Variants in TOMM20L observed in about 807,000 individuals in gnomAD.
TOMM20L encodes TOMM20-like protein 1.
A neutral mutation model predicts 20.4 loss-of-function variants in TOMM20L; 19 were observed. That is an observed-to-expected ratio of 0.93 (90% confidence interval 0.65 to 1.36). The LOEUF (loss-of-function observed/expected upper bound fraction) is 1.36. TOMM20L is among the 40% of genes most tolerant of loss of function. The pLI is 0.00. For synonymous variants in TOMM20L, 75 were observed against 79.6 expected (o/e 0.94, Z 0.30); for missense variants, 218 against 203.7 (o/e 1.07, Z -0.43).
At chr14:58,414,655 T>C in the TOMM20L span, among the ~76,000 whole-genome samples, 326 of 149,998 alleles carry the variant, frequency 2.2e-3, 1 homozygote, top group African/African-American at 7.5e-3. Context: ...GGAGAACTGC[T>C]TGACCCCTTG....
the TOMM20L span, among the ~76,000 whole-genome samples, chr14:58,415,064 A>G: frequency 1.3e-5 from 2 of 152,226 alleles, no homozygotes; most frequent in East Asian, 3.9e-4. Context: ...CTTCCCAGCC[A>G]GGGAGTTATC....
At chr14:58,400,464 C>T (rs1036872271) in intron 2 of TOMM20L, among the ~76,000 whole-genome samples, 1 of 150,292 alleles carries the variant, frequency 6.7e-6, no homozygotes, top group East Asian at 2.0e-4. Flanking sequence ...CTCAGCTTGG[C>T]GCTATGCCTT....
the TOMM20L span, among the ~76,000 whole-genome samples, chr14:58,415,697 C>G: frequency 6.6e-6 from 1 of 151,968 alleles, no homozygotes; most frequent in Non-Finnish European, 1.5e-5. Context: ...TAACAGAGTA[C>G]AAAGGACTTG....
downstream of TOMM20L, among the ~76,000 whole-genome samples, chr14:58,410,520 A>C (rs1267611879): frequency 6.6e-6 from 1 of 152,216 alleles, no homozygotes. Flanking sequence ...AGGGCCATAC[A>C]GAAAGGCTGT....
chr14:58,405,803 C>A (rs376774811), intron 3 of TOMM20L, among the ~76,000 whole-genome samples: 1 of 152,226 alleles, frequency 6.6e-6, no homozygotes, highest in East Asian at 1.9e-4. Context: ...CACACCCACC[C>A]CCCTAATAGT....
intron 2 of TOMM20L, among the ~76,000 whole-genome samples, chr14:58,401,139 G>A (rs1339695255): frequency 6.6e-6 from 1 of 152,188 alleles, no homozygotes; most frequent in East Asian, 1.9e-4. Context: ...GCTCCTTGGG[G>A]ATGGGCACAG....
chr14:58,414,008 GAAAAA>G, the TOMM20L span, among the ~76,000 whole-genome samples: 25 of 24,178 alleles, frequency 1.0e-3, no homozygotes, highest in East Asian at 0.032. Context: ...TTCCGTCTCA[GAAAAA>G]AAAAAAAAAA....
the TOMM20L span, among the ~76,000 whole-genome samples, chr14:58,416,620 C>T: frequency 6.6e-6 from 1 of 152,212 alleles, no homozygotes; most frequent in Non-Finnish European, 1.5e-5. Context: ...GTACAATACA[C>T]TTCTCTTGAG....
chr14:58,400,379 A>C (rs1475144006), intron 2 of TOMM20L, among the ~76,000 whole-genome samples: 1 of 147,950 alleles, frequency 6.8e-6, no homozygotes, highest in Non-Finnish European at 1.5e-5. Flanking sequence ...CCAAGATCAC[A>C]CCACTGCACT....
rs894022906 is a variant in TOMM20L, at chr14:58,408,675, T to C, written c.*93T>C. ...AGTGATATTTCCATTTATTTTACTT[T>C]GAGTAATAAAAATTTTTCTATCTCA... On this transcript the variant is annotated 3_prime_UTR_variant, in exon 5 of 5. Transcript: ENST00000360945. 7.6e-7 allele frequency: 1 copy of C among 1,315,974 alleles called. No homozygotes were observed. The highest frequency in any genetic ancestry group is 1.0e-6 in the Non-Finnish European group (1 of 958,376). The allele number at this position is 1,315,974 out of a possible 1,614,324, so 81.5% of individuals were successfully genotyped here.
intron 2 of TOMM20L, among the ~76,000 whole-genome samples, chr14:58,399,573 A>G (rs2035965290): frequency 6.6e-6 from 1 of 151,892 alleles, no homozygotes; most frequent in African/African-American, 2.4e-5. Flanking sequence ...TGGGTTCTGT[A>G]TTCTTCCCCC....
At chr14:58,397,698 G>A (rs1307126213) in intron 2 of TOMM20L, among the ~76,000 whole-genome samples, 1 of 152,204 alleles carries the variant, frequency 6.6e-6, no homozygotes, top group African/African-American at 2.4e-5. Flanking sequence ...TGGGTGGTAA[G>A]GTTGGAGAGC....
At chr14:58,405,117 C>T (rs1218539914) in intron 3 of TOMM20L, among the ~76,000 whole-genome samples, 1 of 151,920 alleles carries the variant, frequency 6.6e-6, no homozygotes, top group Non-Finnish European at 1.5e-5. Context: ...TACAGGCGTG[C>T]ACCACCACGC....
chr14:58,396,327 G>T lies in TOMM20L; in HGVS notation c.166G>T (p.Glu56Ter), dbSNP rs755536928. The change falls in exon 2 of 5, where the codon GAG (glutamate) becomes TAG (stop). Residue 56 changes from glutamate (E) to a stop codon, truncating the protein, a stop_gained. Coordinates refer to ENST00000360945, the MANE Select transcript of TOMM20L (RefSeq NM_207377.3). LOFTEE classifies it high-confidence loss of function. ...KRRAEPQKAE[E>*]QGTQLWDPTK... ...AAGAGCAGAGCCTCAAAAGGCTGAGGAGCAGGGCACGCAGGTGCAGTGCTT... is the reference window on the plus strand; with the variant it reads ...AAGAGCAGAGCCTCAAAAGGCTGAGTAGCAGGGCACGCAGGTGCAGTGCTT... 1.9e-6 allele frequency: 3 copies of T among 1,613,424 alleles called. No individual in the cohort carries two copies. The South Asian group carries it at 3.3e-5, about 18-fold the overall frequency.
chr14:58,406,635 C>T (rs368137283), intron 3 of TOMM20L, among the ~76,000 whole-genome samples: 2 of 152,322 alleles, frequency 1.3e-5, no homozygotes, highest in East Asian at 3.9e-4. Context: ...TGAAACTATA[C>T]ATCATTTCAC....
the TOMM20L span, among the ~76,000 whole-genome samples, chr14:58,417,067 G>A: frequency 1.5e-4 from 23 of 152,198 alleles, no homozygotes; most frequent in Admixed American, 5.9e-4. Flanking sequence ...AAGATCTGAC[G>A]GTTTTATCAA....
At chr14:58,407,260 G>T (rs1336187698) in intron 3 of TOMM20L, 66 bp from the exon 4 acceptor site, 8 of 1,463,498 alleles carry the variant, frequency 5.5e-6, no homozygotes, top group South Asian at 1.3e-5. Context: ...TTGCTTTCTT[G>T]GATTTGTAGA....
At chr14:58,402,655 G>T in intron 2 of TOMM20L, 25 bp from the exon 3 acceptor site, 1 of 1,563,014 alleles carries the variant, frequency 6.4e-7, no homozygotes, top group Non-Finnish European at 8.8e-7. Context: ...ATTACTCATT[G>T]TTGAATATTT....
intron 2 of TOMM20L, among the ~76,000 whole-genome samples, chr14:58,400,544 A>G (rs2035981532): frequency 1.3e-5 from 2 of 151,862 alleles, no homozygotes; most frequent in South Asian, 4.1e-4. Flanking sequence ...TAAAGTTCCT[A>G]GTTTATAGCT....
Sources: gnomAD v4.1 joint callset for allele counts (sites outside exome capture counted in the v4.1 genomes callset) on GRCh38, gnomAD v4.1.1 for gene constraint, MANE v1.5 for transcripts, NCBI Gene and HGNC (gene_info 2026-07-23, HGNC 2026-07-21) for gene names.